NLK: variants seen among roughly 807,000 people sequenced by gnomAD.
NLK encodes the protein serine/threonine-protein kinase NLK.
A neutral mutation model predicts 59.0 loss-of-function variants in NLK; 11 were observed. The ratio of observed to expected loss-of-function variants is 0.19; its 90% CI spans 0.12 to 0.31. The LOEUF (loss-of-function observed/expected upper bound fraction) is 0.31. Ranked by LOEUF, NLK falls within the 10% of genes least tolerant of loss-of-function variation. The pLI, the probability that NLK is intolerant of heterozygous loss-of-function variation, is 1.00. For synonymous variants in NLK, 235 were observed against 235.9 expected, an observed-to-expected ratio of 1.00 and a Z score of 0.03; for missense variants, 410 against 661.1, an observed-to-expected ratio of 0.62 and a Z score of 4.16.
intron 5 of NLK, among the ~76,000 whole-genome samples, chr17:28,167,988 G>C (rs1247874314): frequency 6.6e-6 from 1 of 151,922 alleles, no homozygotes; most frequent in African/African-American, 2.4e-5. Context: ...AATAAAACCA[G>C]ATTGTATATT....
intron 1 of NLK, among the ~76,000 whole-genome samples, chr17:28,058,316 A>T (rs2142743078): frequency 6.6e-6 from 1 of 152,362 alleles, no homozygotes; most frequent in East Asian, 1.9e-4. Flanking sequence ...CTGAAGGTCT[A>T]GTTATCAACA....
At position 28,172,383 on chromosome 17, in the gene NLK, C is replaced by T. The variant is rs555386045; in HGVS notation, c.1048-134C>T. ...GGCCAGAAAGTGAAAGTAGGGGCTC[C>T]TGTCAGTTAATCTAGAGCTTGTCTT... On this transcript the variant is annotated intron_variant, in intron 6 of 10. Transcript: ENST00000407008. 137 of 390,442 alleles carry T rather than the reference C, an allele frequency of 3.5e-4. 1 individual carries two copies. Among genetic ancestry groups the T allele is most frequent in the South Asian group, 6.7e-4 (5 of 7,504 alleles). 24.2% of individuals were successfully genotyped at this position (390,442 alleles called of 1,614,324 possible).
intron 6 of NLK, among the ~76,000 whole-genome samples, chr17:28,172,247 A>T (rs929068494): frequency 8.1e-6 from 1 of 123,750 alleles, no homozygotes; most frequent in African/African-American, 3.4e-5. Context: ...AAATTCCTTT[A>T]CATGAGGAAT....
intron 3 of NLK, among the ~76,000 whole-genome samples, chr17:28,157,198 A>AT (rs200134350): frequency 0.025 from 3,526 of 139,240 alleles, 63 homozygotes; most frequent in Admixed American, 0.036. Context: ...TAAAAAAAAA[A>AT]TTTTTTTTTT....
chr17:28,069,676 CTT>C (rs1026733874), intron 1 of NLK, among the ~76,000 whole-genome samples: 1 of 150,956 alleles, frequency 6.6e-6, no homozygotes, highest in Admixed American at 6.6e-5. Context: ...GTTGGCATGT[CTT>C]TTTTTTTCCT....
At chr17:28,069,409 T>C (rs548125173) in intron 1 of NLK, among the ~76,000 whole-genome samples, 2 of 152,314 alleles carry the variant, frequency 1.3e-5, no homozygotes, top group East Asian at 3.9e-4. Context: ...TATCTAGGGA[T>C]GGAATTGCTG....
At chr17:28,199,058 G>A (rs1416502406), downstream of NLK, among the ~76,000 whole-genome samples, 2 of 152,206 alleles carry the variant, frequency 1.3e-5, no homozygotes, top group Non-Finnish European at 2.9e-5. Context: ...AATCGGTTTT[G>A]CCCATGTGGT....
intron 1 of NLK, among the ~76,000 whole-genome samples, chr17:28,118,299 C>G (rs950575024): frequency 6.6e-6 from 1 of 152,126 alleles, no homozygotes; most frequent in African/African-American, 2.4e-5. Context: ...TTGCTGATTA[C>G]AACTTTATGT....
intron 3 of NLK, among the ~76,000 whole-genome samples, chr17:28,134,513 G>C (rs1906656969): frequency 6.6e-6 from 1 of 152,150 alleles, no homozygotes. Context: ...ACATACAGAG[G>C]ATTGGATACA....
At chr17:28,142,065 G>A (rs1907020707) in intron 3 of NLK, among the ~76,000 whole-genome samples, 1 of 152,188 alleles carries the variant, frequency 6.6e-6, no homozygotes, top group East Asian at 1.9e-4. Flanking sequence ...GAGAGCTGAA[G>A]TTTAAAATAA....
intron 1 of NLK, among the ~76,000 whole-genome samples, chr17:28,076,641 G>T (rs1428416472): frequency 6.6e-6 from 1 of 152,098 alleles, no homozygotes; most frequent in African/African-American, 2.4e-5. Flanking sequence ...TAGAAATTTT[G>T]ATATTTTTCC....
intron 1 of NLK, among the ~76,000 whole-genome samples, chr17:28,070,057 G>T (rs1909956856): frequency 6.6e-6 from 1 of 151,998 alleles, no homozygotes; most frequent in African/African-American, 2.4e-5. Flanking sequence ...CCAACATGGT[G>T]AAACCCTGTC....
At chr17:28,132,800 C>G (rs1597700328) in intron 3 of NLK, 125 bp downstream of exon 3, 1 of 790,088 alleles carries the variant, frequency 1.3e-6, no homozygotes, top group African/African-American at 1.8e-5. Flanking sequence ...GATTGAGTAC[C>G]TGGAACCAGG....
chr17:28,116,341 G>A (rs894238389), intron 1 of NLK: 7 of 200,352 alleles, frequency 3.5e-5, no homozygotes, highest in East Asian at 1.1e-4. Context: ...TTGAGCAGAC[G>A]CAGCAAGAGT....
intron 3 of NLK, among the ~76,000 whole-genome samples, chr17:28,157,839 A>G (rs1907840304): frequency 6.6e-6 from 1 of 152,120 alleles, no homozygotes; most frequent in African/African-American, 2.4e-5. Context: ...TGAAAATTAG[A>G]TGAGATTATC....
At chr17:28,102,962 C>G (rs78495302) in intron 1 of NLK, among the ~76,000 whole-genome samples, 1 of 152,120 alleles carries the variant, frequency 6.6e-6, no homozygotes, top group African/African-American at 2.4e-5. Context: ...GCAGGTGGCT[C>G]TTATGTCTGT....
intron 3 of NLK, among the ~76,000 whole-genome samples, chr17:28,154,776 G>T (rs140657327): frequency 6.6e-5 from 10 of 152,290 alleles, no homozygotes; most frequent in Admixed American, 5.9e-4. Context: ...GCTCACACCT[G>T]TAATCCCATC....
intron 1 of NLK, among the ~76,000 whole-genome samples, chr17:28,083,108 C>T (rs1317158285): frequency 6.6e-6 from 1 of 152,158 alleles, no homozygotes; most frequent in Non-Finnish European, 1.5e-5. Flanking sequence ...TGGAAATCAG[C>T]TTGTGCATTT....
At chr17:28,074,451 A>G (rs1304112672) in intron 1 of NLK, among the ~76,000 whole-genome samples, 1 of 152,164 alleles carries the variant, frequency 6.6e-6, no homozygotes. Context: ...TTAGAGCATA[A>G]CAGTTACAAA....
Sources: gnomAD v4.1 joint callset for allele counts (sites outside exome capture counted in the v4.1 genomes callset) on GRCh38, gnomAD v4.1.1 for gene constraint, MANE v1.5 for transcripts, NCBI Gene and HGNC (gene_info 2026-07-23, HGNC 2026-07-21) for gene names.